EIF4E2: variants seen among roughly 807,000 people sequenced by gnomAD.
The protein encoded by EIF4E2 is eukaryotic translation initiation factor 4E type 2.
A neutral mutation model predicts 34.2 loss-of-function variants in EIF4E2; 13 were observed. The observed-to-expected ratio is 0.38, with a 90% CI of 0.25 to 0.60. The LOEUF is 0.60. EIF4E2 is among the 20% of genes least tolerant of loss of function. EIF4E2 has a pLI of 0.62. For missense variants in EIF4E2, 222 were observed against 315.1 expected, an observed-to-expected ratio of 0.70 and a Z score of 2.24; for synonymous variants, 100 against 106.6, an observed-to-expected ratio of 0.94 and a Z score of 0.38.
chr2:232,580,311 T>C (rs542357301), intron 6 of EIF4E2, among the ~76,000 whole-genome samples: 1 of 152,264 alleles, frequency 6.6e-6, no homozygotes, highest in East Asian at 1.9e-4. Context: ...AATCATACAA[T>C]GTTTTCAAAA....
rs1692955718 is a variant in EIF4E2, at chr2:232,566,988, C to T, written c.528+7C>T. ...GGTGTCTGTCCGCTTTCAGGTAAGC[C>T]ACCCATGAGCCAGGCTGGTTTCTTG... On this transcript the variant is annotated splice_region_variant and intron_variant, in intron 5 of 6. Transcript: ENST00000258416. The surrounding 1 kb of genome is among the most constrained non-coding windows in gnomAD (Gnocchi z 4.9). The T allele has an allele frequency of 1.3e-6, 2 of 1,588,804 alleles. No homozygotes were observed. The highest frequency in any genetic ancestry group is 4.5e-5 in the East Asian group (2 of 44,658).
In EIF4E2 at chr2:232,581,085, G is replaced by T. The variant is rs1184674822; in HGVS notation, c.*142G>T. ...TCTCCTTTTGCACTCATTCCTGGAG[G>T]ACGGATTCCGCTAGACACCCTCCAG... On this transcript the variant is annotated 3_prime_UTR_variant, in exon 7 of 7. Transcript: ENST00000409098. This position sits in a 1 kb window ranked among gnomAD's most constrained non-coding sequence, Gnocchi z 5.2. 2.4e-6 allele frequency: 2 copies of T among 846,962 alleles called. No individual in the cohort carries two copies. Among genetic ancestry groups the T allele is most frequent in the Non-Finnish European group, 4.0e-6 (2 of 504,818 alleles). 52.5% of individuals were successfully genotyped at this position (846,962 alleles called of 1,614,324 possible).
At chr2:232,562,157 G>A (rs890877211) in intron 3 of EIF4E2, among the ~76,000 whole-genome samples, 6 of 152,172 alleles carry the variant, frequency 3.9e-5, no homozygotes, top group Non-Finnish European at 8.8e-5. Context: ...CGAGGCTGCA[G>A]TGAGCCATGA....
chr2:232,564,660 C>A (rs1252830768), intron 4 of EIF4E2, among the ~76,000 whole-genome samples: 1 of 152,210 alleles, frequency 6.6e-6, no homozygotes, highest in Non-Finnish European at 1.5e-5. Flanking sequence ...ACCGTGTTAG[C>A]CAGGATGGTC....
At chr2:232,571,177 G>T (rs558335118), downstream of EIF4E2, among the ~76,000 whole-genome samples, 18 of 152,264 alleles carry the variant, frequency 1.2e-4, no homozygotes, top group South Asian at 3.3e-3. Context: ...TTTTCCTGCT[G>T]TTCCCCTCAG....
Position 232,581,046 on chromosome 2 carries a change from C to A in EIF4E2, c.*103C>A. Reference sequence around the variant, plus strand: ...TTCCATTGCTCACTGAAGGGACGTCCCTGAGCCGTGCGCTCTCCTTTTGCA... The same window carrying A: ...TTCCATTGCTCACTGAAGGGACGTCACTGAGCCGTGCGCTCTCCTTTTGCA... On this transcript the variant is annotated 3_prime_UTR_variant, in exon 7 of 7. Coordinates refer to the EIF4E2 transcript ENST00000409098. This position sits in a 1 kb window ranked among gnomAD's most constrained non-coding sequence, Gnocchi z 5.2. 1 of 1,166,856 alleles carries A rather than the reference C, an allele frequency of 8.6e-7. No homozygotes were observed. Among genetic ancestry groups the A allele is most frequent in the Non-Finnish European group, 1.3e-6 (1 of 797,024 alleles). 72.3% of individuals were successfully genotyped at this position (1,166,856 alleles called of 1,614,324 possible).
intron 6 of EIF4E2, chr2:232,580,792 A>G: frequency 1.1e-6 from 1 of 925,700 alleles, no homozygotes; most frequent in Non-Finnish European, 1.6e-6. Context: ...GCCCCGGGAT[A>G]TGTCATGGAG....
At chr2:232,577,622 G>T (rs186802107) in intron 6 of EIF4E2, among the ~76,000 whole-genome samples, 155 of 152,336 alleles carry the variant, frequency 1.0e-3, no homozygotes, top group African/African-American at 3.5e-3. Flanking sequence ...TTTGGACAAC[G>T]ATTTTCCCCA....
At chr2:232,568,436 G>A in intron 6 of EIF4E2, 2 of 985,266 alleles carry the variant, frequency 2.0e-6, no homozygotes, top group Non-Finnish European at 2.4e-6. Flanking sequence ...TCCTGTGTTA[G>A]CATTGCTTTA....
At chr2:232,554,637 A>G (rs1692460664) in intron 1 of EIF4E2, among the ~76,000 whole-genome samples, 1 of 152,196 alleles carries the variant, frequency 6.6e-6, no homozygotes, top group Admixed American at 6.5e-5. Context: ...ATAAGTACAG[A>G]TGATGGTCTC....
Position 232,566,664 on chromosome 2 carries a change from A to G in EIF4E2, c.376-165A>G, listed in dbSNP as rs973036231. 2.6e-5 allele frequency among the ~76,000 whole-genome samples: 4 copies of G among 152,008 alleles called. No individual in the cohort carries two copies. The highest frequency in any genetic ancestry group is 1.9e-4 in the East Asian group (1 of 5,202). Reference sequence around the variant, plus strand: ...CAGCCTTGTTTTTCTTTTTTTCCCCATTTCTTCTCTCCCTAGTCCTACCAT... The same window carrying G: ...CAGCCTTGTTTTTCTTTTTTTCCCCGTTTCTTCTCTCCCTAGTCCTACCAT... On this transcript the variant is annotated intron_variant, in intron 4 of 6. Coordinates refer to ENST00000258416, the MANE Select transcript of EIF4E2 (RefSeq NM_004846.4). The surrounding 1 kb of genome is among the most constrained non-coding windows in gnomAD (Gnocchi z 4.9).
intron 6 of EIF4E2, among the ~76,000 whole-genome samples, chr2:232,577,734 T>C (rs1693256690): frequency 6.6e-6 from 1 of 151,740 alleles, no homozygotes; most frequent in Admixed American, 6.6e-5. Flanking sequence ...GAAATAATTC[T>C]TTTTTTTTCT....
chr2:232,581,952 C>G lies in EIF4E2; in HGVS notation c.*1009C>G, dbSNP rs564181025. On this transcript the variant is annotated 3_prime_UTR_variant, in exon 7 of 7. Transcript: ENST00000409098. This position sits in a 1 kb window ranked among gnomAD's most constrained non-coding sequence, Gnocchi z 5.2. ...GCTGGATGGCTTTATTTGCATGGCT[C>G]TGCCTGTCTGCAGTGGTTGAGTCCT... is the stretch of plus-strand genomic sequence containing the variant. The G allele has an allele frequency of 6.6e-6, 1 of 152,380 alleles. No individual in the cohort carries two copies. Among genetic ancestry groups the G allele is most frequent in the South Asian group, 2.1e-4 (1 of 4,826 alleles). The allele number at this position is 152,380 out of a possible 1,614,324, so 9.4% of individuals were successfully genotyped here. A position where few individuals can be genotyped will look rare whatever the true frequency, so the allele number is the denominator to read the frequency against.
intron 1 of EIF4E2, among the ~76,000 whole-genome samples, chr2:232,554,292 G>T (rs1439742433): frequency 6.6e-6 from 1 of 152,216 alleles, no homozygotes; most frequent in Non-Finnish European, 1.5e-5. Flanking sequence ...GAGACCACAT[G>T]ATGAGCATAA....
intron 6 of EIF4E2, chr2:232,567,506 C>G: frequency 2.4e-6 from 3 of 1,250,308 alleles, no homozygotes; most frequent in Non-Finnish European, 3.0e-6. Flanking sequence ...ATGCTAACCA[C>G]TATCTTAAAA....
intron 3 of EIF4E2, among the ~76,000 whole-genome samples, chr2:232,562,192 G>A (rs1692748698): frequency 6.6e-6 from 1 of 151,426 alleles, no homozygotes; most frequent in Non-Finnish European, 1.5e-5. Context: ...TCCAGCCTGG[G>A]TAACAGAGCA....
intron 1 of EIF4E2, chr2:232,550,975 G>A (rs571210861): frequency 1.6e-6 from 1 of 617,238 alleles, no homozygotes; most frequent in South Asian, 1.9e-5. Flanking sequence ...CTGGGCCCGG[G>A]GGAGGGGTGG....
intron 6 of EIF4E2, chr2:232,568,342 G>C: frequency 1.0e-6 from 1 of 985,388 alleles, no homozygotes; most frequent in Non-Finnish European, 1.2e-6. Context: ...ATGGGCGTTG[G>C]TCCATGATCA....
rs1693368829 is a variant in EIF4E2, at chr2:232,581,923, C to T, written c.*980C>T. On this transcript the variant is annotated 3_prime_UTR_variant, in exon 7 of 7. Coordinates refer to the EIF4E2 transcript ENST00000409098. The surrounding 1 kb of genome is among the most constrained non-coding windows in gnomAD (Gnocchi z 5.2). ...ACTGGGGCATCTGAGGAAAAGGTGACCTTGCTGGATGGCTTTATTTGCATG... is the reference window on the plus strand; with the variant it reads ...ACTGGGGCATCTGAGGAAAAGGTGATCTTGCTGGATGGCTTTATTTGCATG... The T allele has an allele frequency of 6.6e-6, 1 of 152,222 alleles. No individual in the cohort carries two copies. The highest frequency in any genetic ancestry group is 2.1e-4 in the South Asian group (1 of 4,826). The allele number at this position is 152,222 out of a possible 1,614,324, so 9.4% of individuals were successfully genotyped here.
Sources: allele counts gnomAD v4.1 joint callset (sites outside exome capture counted in the v4.1 genomes callset), GRCh38; gene constraint gnomAD v4.1.1; non-coding constraint Gnocchi (gnomAD v3.1); transcripts MANE v1.5; gene names NCBI Gene and HGNC (gene_info 2026-07-23, HGNC 2026-07-21).